Variants in PIK3R3 observed in about 807,000 individuals in gnomAD.
The protein encoded by PIK3R3 is phosphoinositide-3-kinase regulatory subunit 3.
A neutral mutation model predicts 62.9 loss-of-function variants in PIK3R3; 64 were observed. The ratio of observed to expected loss-of-function variants is 1.02; its 90% CI spans 0.83 to 1.25. PIK3R3 has a LOEUF of 1.25. Ranked by LOEUF, PIK3R3 falls within the 50% of genes most tolerant of loss-of-function variation. The pLI, the probability that PIK3R3 is intolerant of heterozygous loss-of-function variation, is 0.00. For missense variants in PIK3R3, 614 were observed against 561.6 expected, an observed-to-expected ratio of 1.09 and a Z score of -0.94; for synonymous variants, 165 against 189.0, an observed-to-expected ratio of 0.87 and a Z score of 1.04.
chr1:46,080,741 G>C lies in PIK3R3; in HGVS notation c.116C>G (p.Pro39Arg), dbSNP rs780117361. 1.9e-6 allele frequency: 3 copies of C among 1,608,328 alleles called. No homozygotes were observed. In the South Asian group the frequency reaches 3.3e-5, roughly 18 times the overall value. Reference protein sequence around the residue: ...YIEMDPPALPPKPPKPMTSAV... With the variant: ...YIEMDPPALPRKPPKPMTSAV... ...TGAAGTCATTGGCTTAGGTGGCTTT[G>C]GTGGAAGAGCTAGAAGAGAAATGAA... Residue 39 changes from proline (P) to arginine (R), a missense_variant, in exon 2 of 10, where the codon CCA (proline) becomes CGA (arginine). By Grantham distance (103) the Pro-to-Arg change is moderately radical (BLOSUM62 -2). Coordinates refer to ENST00000262741, the MANE Select transcript of PIK3R3 (RefSeq NM_003629.4).
chr1:46,162,091 CAAA>C, the PIK3R3 span, among the ~76,000 whole-genome samples: 3 of 58,108 alleles, frequency 5.2e-5, no homozygotes. Context: ...GACTCCGTCT[CAAA>C]AAAAAAAAAA....
chr1:46,128,819 GC>G (rs1655314548), intron 1 of PIK3R3, among the ~76,000 whole-genome samples: 1 of 152,156 alleles, frequency 6.6e-6, no homozygotes, highest in South Asian at 2.1e-4. Flanking sequence ...GGGGTCTCAC[GC>G]CTGTAATCCC....
At chr1:46,056,046 A>C (rs1429255980) in intron 6 of PIK3R3, 75 bp from the exon 7 acceptor site, 3 of 946,900 alleles carry the variant, frequency 3.2e-6, no homozygotes, top group African/African-American at 1.7e-5. Flanking sequence ...GCACGGTCCT[A>C]ATATCCTTTT....
At chr1:46,159,135 A>T in the PIK3R3 span, among the ~76,000 whole-genome samples, 1 of 152,080 alleles carries the variant, frequency 6.6e-6, no homozygotes, top group Non-Finnish European at 1.5e-5. Context: ...TAAAATGGCA[A>T]ATAATCCCCA....
In PIK3R3 at chr1:46,126,156, C is replaced by G. The variant is rs114380733; in HGVS notation, c.106+5691G>C. On this transcript the variant is annotated intron_variant, in intron 1 of 9. Transcript: ENST00000262741. Reference sequence around the variant, plus strand: ...ACTATTGGCCATTTTCACTCTCATTCTCTTATAACTGTACAGGGGTGTTTT... The same window carrying G: ...ACTATTGGCCATTTTCACTCTCATTGTCTTATAACTGTACAGGGGTGTTTT... Among the ~76,000 whole-genome samples, 890 of 152,244 alleles carry G rather than the reference C, an allele frequency of 5.8e-3. 4 individuals carry two copies. The highest frequency in any genetic ancestry group is 7.5e-3 in the Non-Finnish European group (510 of 68,020).
At chr1:46,168,746 T>C in the PIK3R3 span, among the ~76,000 whole-genome samples, 1 of 152,196 alleles carries the variant, frequency 6.6e-6, no homozygotes, top group Non-Finnish European at 1.5e-5. Context: ...AAAGTCCCCC[T>C]GCCCCTGGCT....
the PIK3R3 span, among the ~76,000 whole-genome samples, chr1:46,163,795 C>T: frequency 1.6e-4 from 25 of 152,338 alleles, no homozygotes; most frequent in African/African-American, 5.8e-4. Context: ...CTCTGCCACT[C>T]AATTCCTGAG....
rs572194138 is a variant in PIK3R3, at chr1:46,042,073, G to C, written c.*1600C>G. On this transcript the variant is annotated 3_prime_UTR_variant, in exon 10 of 10. Coordinates refer to ENST00000262741, the MANE Select transcript of PIK3R3 (RefSeq NM_003629.4). The surrounding 1 kb of genome is among the most constrained non-coding windows in gnomAD (Gnocchi z 4.3). ...CAGGGTGCCTGACTGCACAGCTTTG[G>C]GTTCAAACAGCTGACTCACTCTGAG... 1 of 222,490 alleles carries C rather than the reference G, an allele frequency of 4.5e-6. No homozygotes were observed. Among genetic ancestry groups the C allele is most frequent in the East Asian group, 6.6e-5 (1 of 15,258 alleles). 13.8% of individuals were successfully genotyped at this position (222,490 alleles called of 1,614,324 possible). A position where few individuals can be genotyped will look rare whatever the true frequency, so the allele number is the denominator to read the frequency against.
intron 2 of PIK3R3, among the ~76,000 whole-genome samples, chr1:46,078,887 T>C (rs1396661462): frequency 6.6e-6 from 1 of 152,168 alleles, no homozygotes; most frequent in Non-Finnish European, 1.5e-5. Context: ...AGTACAATTA[T>C]TATATGATTA....
At chr1:46,127,395 A>G (rs1026006544) in intron 1 of PIK3R3, among the ~76,000 whole-genome samples, 9 of 150,150 alleles carry the variant, frequency 6.0e-5, no homozygotes, top group African/African-American at 1.5e-4. Context: ...GTCTGTCTTG[A>G]TAAGAACAAA....
chr1:46,164,073 C>T, the PIK3R3 span, among the ~76,000 whole-genome samples: 1 of 152,214 alleles, frequency 6.6e-6, no homozygotes, highest in Non-Finnish European at 1.5e-5. Flanking sequence ...ACAACCAGCA[C>T]TGACGAATAA....
At chr1:46,168,129 C>T in the PIK3R3 span, among the ~76,000 whole-genome samples, 38 of 151,976 alleles carry the variant, frequency 2.5e-4, no homozygotes, top group African/African-American at 6.5e-4. Flanking sequence ...CCAACCAGGG[C>T]GACAGAGCGA....
chr1:46,122,016 A>G (rs1046065106), intron 1 of PIK3R3, among the ~76,000 whole-genome samples: 2 of 151,996 alleles, frequency 1.3e-5, no homozygotes, highest in Non-Finnish European at 2.9e-5. Context: ...TGGGAAGGCT[A>G]CAGTAACTTG....
the PIK3R3 span, among the ~76,000 whole-genome samples, chr1:46,142,702 TAAAAA>T: frequency 9.2e-6 from 1 of 108,526 alleles, no homozygotes; most frequent in Admixed American, 9.2e-5. Flanking sequence ...CGTCTCAAAA[TAAAAA>T]AAAAAAGAAA....
In PIK3R3 at chr1:46,132,604, G is replaced by T. The variant is rs1261555777; in HGVS notation, c.-652C>A. 1.6e-6 allele frequency: 2 copies of T among 1,289,100 alleles called. No individual in the cohort carries two copies. The highest frequency in any genetic ancestry group is 3.0e-5 in the African/African-American group (2 of 65,914). 79.9% of individuals were successfully genotyped at this position (1,289,100 alleles called of 1,614,324 possible). A position where few individuals can be genotyped will look rare whatever the true frequency, so the allele number is the denominator to read the frequency against. The stretch of plus-strand genomic sequence containing the variant: ...CCGGGGTGTAAGAACCAACCCGACC[G>T]CACCAACTGCCCTCAAGCTCTGCCC... On this transcript the variant is annotated 5_prime_UTR_variant, in exon 1 of 10. Coordinates refer to ENST00000262741, the MANE Select transcript of PIK3R3 (RefSeq NM_003629.4).
At chr1:46,174,810 C>T in the PIK3R3 span, among the ~76,000 whole-genome samples, 1 of 152,164 alleles carries the variant, frequency 6.6e-6, no homozygotes, top group Non-Finnish European at 1.5e-5. Context: ...CACCCCAGCT[C>T]AGCTGCCAGT....
At chr1:46,073,923 C>T (rs1281890587) in intron 3 of PIK3R3, among the ~76,000 whole-genome samples, 1 of 150,852 alleles carries the variant, frequency 6.6e-6, no homozygotes, top group Non-Finnish European at 1.5e-5. Context: ...AGTGAGCCAC[C>T]ATGACCGGCC....
Position 46,042,554 on chromosome 1 carries a change from C to T in PIK3R3, c.*1119G>A, listed in dbSNP as rs1647015533. 1 of 217,444 alleles carries T rather than the reference C, an allele frequency of 4.6e-6. No homozygotes were observed. The highest frequency in any genetic ancestry group is 9.3e-6 in the Non-Finnish European group (1 of 107,966). The allele number at this position is 217,444 out of a possible 1,614,324, so 13.5% of individuals were successfully genotyped here. On this transcript the variant is annotated 3_prime_UTR_variant, in exon 10 of 10. Transcript: ENST00000262741. The surrounding 1 kb of genome is among the most constrained non-coding windows in gnomAD (Gnocchi z 4.3). ...CTTAGCAACCTATAGCTCCCAAAAC[C>T]CCATCCAGCAAAGGAGGGGGAAATG...
intron 1 of PIK3R3, among the ~76,000 whole-genome samples, chr1:46,081,735 T>A (rs1650613597): frequency 6.6e-6 from 1 of 152,040 alleles, no homozygotes; most frequent in Non-Finnish European, 1.5e-5. Context: ...CATTCTCTAC[T>A]AAAAGGAACC....
Sources: allele counts gnomAD v4.1 joint callset (sites outside exome capture counted in the v4.1 genomes callset), GRCh38; gene constraint gnomAD v4.1.1; non-coding constraint Gnocchi (gnomAD v3.1); transcripts MANE v1.5; gene names NCBI Gene and HGNC (gene_info 2026-07-23, HGNC 2026-07-21).